The following CNTNAP2 variants were observed in gnomAD, a reference collection of about 807,000 sequenced individuals.
CNTNAP2 encodes contactin associated protein 2, also known as contactin-associated protein-like 2.
In CNTNAP2, 98 loss-of-function variants were observed where a neutral mutation model predicts 155.2. The ratio of observed to expected loss-of-function variants is 0.63; its 90% confidence interval spans 0.54 to 0.75. The LOEUF (loss-of-function observed/expected upper bound fraction) is 0.75. CNTNAP2 is among the 30% of genes least tolerant of loss of function. The probability of loss-of-function intolerance (pLI) is 0.00; values close to 1 mark genes in which losing one functional copy is unlikely to be tolerated. For missense variants in CNTNAP2, 1,727 were observed against 1,688.1 expected (o/e 1.02, Z -0.40); for synonymous variants, 651 against 631.2 (o/e 1.03, Z -0.47).
At chr7:146,861,757 T>C (rs1795106076) in intron 3 of CNTNAP2, among the ~76,000 whole-genome samples, 1 of 152,178 alleles carries the variant, frequency 6.6e-6, no homozygotes, top group South Asian at 2.1e-4. Flanking sequence ...CATCGCTTCA[T>C]CTGACTACAT....
chr7:148,365,734 A>G (rs113582372), intron 21 of CNTNAP2, among the ~76,000 whole-genome samples: 2,104 of 89,078 alleles, frequency 0.024, 759 homozygotes, highest in Non-Finnish European at 0.042. Context: ...GTATATATGT[A>G]TGTGTATACA....
intron 1 of CNTNAP2, among the ~76,000 whole-genome samples, chr7:146,397,366 A>G (rs1467330023): frequency 1.3e-5 from 2 of 152,190 alleles, no homozygotes; most frequent in African/African-American, 2.4e-5. Flanking sequence ...CTGTAGTTAC[A>G]TGCCATTCAG....
rs1327708224 is a variant in CNTNAP2 at position 147,977,989 on chromosome 7, A to G, written c.2383A>G (p.Arg795Gly). 1 of 1,613,850 alleles carries G rather than the reference A, an allele frequency of 6.2e-7. No individual in the cohort carries two copies. Among genetic ancestry groups the G allele is most frequent in the Admixed American group, 1.7e-5 (1 of 59,986 alleles). ...AGGTCCTCTGCGCTGCCAAGGAGAC[A>G]GTAAGTTTGCATAGCAGCTATGGCT... ...SVGPLRCQGD[R>G]NYWNAASFPN... Residue 795 changes from arginine to glycine, a missense_variant and splice_region_variant, in exon 15 of 24, where the codon AGG (arginine) becomes GGG (glycine). By Grantham distance (125) the Arg-to-Gly change is moderately radical. Coordinates refer to ENST00000361727, the MANE Select transcript of CNTNAP2 (RefSeq NM_014141.6).
chr7:146,151,534 C>T (rs1011452375), intron 1 of CNTNAP2, among the ~76,000 whole-genome samples: 2 of 148,050 alleles, frequency 1.4e-5, no homozygotes, highest in African/African-American at 4.9e-5. Context: ...GCATAATGTT[C>T]TCTAGGCTAA....
chr7:148,357,327 C>A (rs1346085843), intron 21 of CNTNAP2, among the ~76,000 whole-genome samples: 1 of 152,172 alleles, frequency 6.6e-6, no homozygotes, highest in Non-Finnish European at 1.5e-5. Flanking sequence ...GCCTCCCCAG[C>A]CATGTGGAAC....
chr7:147,738,532 G>A (rs990491930), intron 13 of CNTNAP2, among the ~76,000 whole-genome samples: 1 of 152,080 alleles, frequency 6.6e-6, no homozygotes, highest in Non-Finnish European at 1.5e-5. Flanking sequence ...CTTTTTGAAG[G>A]CTCAAATAAT....
chr7:147,628,294 C>T (rs1795023192), intron 12 of CNTNAP2, among the ~76,000 whole-genome samples: 1 of 152,150 alleles, frequency 6.6e-6, no homozygotes, highest in Admixed American at 6.5e-5. Context: ...TCCATAGAAA[C>T]CTTACAAGAC....
chr7:146,566,945 A>AT (rs1377584190), intron 1 of CNTNAP2, among the ~76,000 whole-genome samples: 10 of 152,044 alleles, frequency 6.6e-5, no homozygotes, highest in African/African-American at 2.2e-4. Flanking sequence ...TTACTTATTT[A>AT]TTTTTTATTT....
intron 1 of CNTNAP2, among the ~76,000 whole-genome samples, chr7:146,287,801 C>T (rs920727641): frequency 6.6e-6 from 1 of 152,064 alleles, no homozygotes; most frequent in African/African-American, 2.4e-5. Flanking sequence ...AAGAAAGGAC[C>T]AGAAGATATC....
At chr7:146,594,433 T>TACACACACAC (rs4016062) in intron 1 of CNTNAP2, among the ~76,000 whole-genome samples, 2,231 of 149,440 alleles carry the variant, frequency 0.015, 25 homozygotes, top group Middle Eastern at 0.035. Context: ...TACTAGTGTT[T>TACACACACAC]ACACACACAC....
chr7:147,694,319 T>G (rs965650574), intron 13 of CNTNAP2, among the ~76,000 whole-genome samples: 1 of 152,106 alleles, frequency 6.6e-6, no homozygotes, highest in African/African-American at 2.4e-5. Context: ...TAGTTTTCTT[T>G]TCTTATAATG....
chr7:147,132,377 C>T lies in CNTNAP2; in HGVS notation c.1216C>T (p.Pro406Ser), dbSNP rs765778701. Residue 406 changes from proline to serine, a missense_variant, in exon 8 of 24, where the codon CCC (proline) becomes TCC (serine). Physicochemically the swap from Pro to Ser is moderately conservative, Grantham distance 74 (BLOSUM62 -1). Coordinates refer to ENST00000361727, the MANE Select transcript of CNTNAP2 (RefSeq NM_014141.6). ...CAGTTTCCAGTTTAGGACATGGAACCCCAATGGTCTCCTGGTCTTCAGTCA... is the reference window on the plus strand; with the variant it reads ...CAGTTTCCAGTTTAGGACATGGAACTCCAATGGTCTCCTGGTCTTCAGTCA... ...SVSFQFRTWN[P>S]NGLLVFSHFA... The T allele has an allele frequency of 1.2e-6, 2 of 1,613,612 alleles. No individual in the cohort carries two copies. Among genetic ancestry groups the T allele is most frequent in the South Asian group, 2.2e-5 (2 of 91,072 alleles).
At chr7:147,140,648 A>T (rs1209240845) in intron 8 of CNTNAP2, among the ~76,000 whole-genome samples, 1 of 151,998 alleles carries the variant, frequency 6.6e-6, no homozygotes, top group Admixed American at 6.6e-5. Context: ...TGGATTGGGG[A>T]AAACTACAAG....
At chr7:146,479,384 CTCTG>C (rs1796926136) in intron 1 of CNTNAP2, among the ~76,000 whole-genome samples, 1 of 152,090 alleles carries the variant, frequency 6.6e-6, no homozygotes, top group Non-Finnish European at 1.5e-5. Context: ...TATTCTAAAC[CTCTG>C]TCTGATAATA....
chr7:147,220,813 C>A (rs1803380180), intron 8 of CNTNAP2, among the ~76,000 whole-genome samples: 1 of 151,934 alleles, frequency 6.6e-6, no homozygotes, highest in African/African-American at 2.4e-5. Flanking sequence ...TCCCAAGTTC[C>A]AGTGATTCTC....
intron 9 of CNTNAP2, 101 bp from the exon 10 acceptor site, chr7:147,395,508 A>G (rs1291520556): frequency 1.8e-6 from 2 of 1,115,756 alleles, no homozygotes; most frequent in Non-Finnish European, 2.7e-6. Flanking sequence ...AAGAAACAGT[A>G]GTTGGATGTG....
At chr7:148,288,735 G>A (rs187405653) in intron 21 of CNTNAP2, among the ~76,000 whole-genome samples, 71 of 151,568 alleles carry the variant, frequency 4.7e-4, no homozygotes, top group African/African-American at 1.6e-3. Context: ...GTCAAACATA[G>A]CCAGTTAATT....
chr7:147,557,851 G>A (rs572286389), intron 11 of CNTNAP2, among the ~76,000 whole-genome samples: 54 of 152,228 alleles, frequency 3.5e-4, no homozygotes, highest in African/African-American at 1.2e-3. Flanking sequence ...TAGCAAAGCC[G>A]CAATTACTTT....
rs138856761 is a variant in CNTNAP2 at position 146,310,344 on chromosome 7, A to G, written c.97+193371A>G. ...ATTATTCTAATATTGTATTAAGCTG[A>G]TATTGAATTTGTATCAGTGTTTTTT... On this transcript the variant is annotated intron_variant, in intron 1 of 23. Transcript: ENST00000361727. Among the ~76,000 whole-genome samples, 9 of 152,264 alleles carry G rather than the reference A, an allele frequency of 5.9e-5. No individual in the cohort carries two copies. In the East Asian group the frequency reaches 1.7e-3, roughly 29 times the overall value.
Sources: allele counts gnomAD v4.1 joint callset (sites outside exome capture counted in the v4.1 genomes callset), GRCh38; gene constraint gnomAD v4.1.1; transcripts MANE v1.5; gene names NCBI Gene and HGNC (gene_info 2026-07-23, HGNC 2026-07-21).